Variants in ERG observed in about 807,000 individuals in gnomAD.
The protein encoded by ERG is transcriptional regulator ERG.
Under a neutral mutation model 55.3 loss-of-function variants are expected in ERG, and 9 were observed. The ratio of observed to expected loss-of-function variants is 0.16; its 90% CI spans 0.10 to 0.28. The LOEUF (loss-of-function observed/expected upper bound fraction) is 0.28. Among genes scored for constraint, ERG ranks in the 10% least tolerant of loss-of-function variants. The pLI is 1.00. For missense variants in ERG, 434 were observed against 631.6 expected (o/e 0.69, Z 3.35); for synonymous variants, 223 against 237.3 (o/e 0.94, Z 0.55).
chr21:38,400,291 C>T, intron 6 of ERG: 1 of 538,748 alleles, frequency 1.9e-6, no homozygotes, highest in Non-Finnish European at 3.5e-6. Context: ...AAAAGTCGGC[C>T]TATTCCTAAC....
intron 1 of ERG, among the ~76,000 whole-genome samples, chr21:38,491,110 T>C (rs1601127081): frequency 6.6e-6 from 1 of 151,852 alleles, no homozygotes; most frequent in Admixed American, 6.6e-5. Flanking sequence ...CTACCTCAAA[T>C]TGAGACACAA....
At chr21:38,576,311 T>G (rs931670515) in intron 1 of ERG, among the ~76,000 whole-genome samples, 2 of 152,176 alleles carry the variant, frequency 1.3e-5, no homozygotes, top group Non-Finnish European at 2.9e-5. Flanking sequence ...GTCATTCCCA[T>G]TGTCCAGCTG....
chr21:38,614,355 T>C (rs2146933337), intron 1 of ERG, among the ~76,000 whole-genome samples: 1 of 152,320 alleles, frequency 6.6e-6, no homozygotes, highest in Non-Finnish European at 1.5e-5. Context: ...ACAAATTACA[T>C]TCCCAGGCTT....
At chr21:38,579,224 C>T (rs556567487) in intron 1 of ERG, among the ~76,000 whole-genome samples, 2 of 152,282 alleles carry the variant, frequency 1.3e-5, no homozygotes, top group African/African-American at 4.8e-5. Context: ...TTACAGCAGC[C>T]ACTCGGTCTG....
At chr21:38,457,170 C>G (rs1484135228) in intron 1 of ERG, among the ~76,000 whole-genome samples, 1 of 152,212 alleles carries the variant, frequency 6.6e-6, no homozygotes, top group Non-Finnish European at 1.5e-5. Context: ...GGCGGGGTGG[C>G]TCACACCTGT....
intron 1 of ERG, among the ~76,000 whole-genome samples, chr21:38,621,195 T>C (rs1345821333): frequency 6.6e-6 from 1 of 152,148 alleles, no homozygotes; most frequent in Non-Finnish European, 1.5e-5. Flanking sequence ...CCCCCTTCTG[T>C]GATAAATAAA....
chr21:38,390,209 G>T (rs1402535357), intron 9 of ERG, among the ~76,000 whole-genome samples: 1 of 152,198 alleles, frequency 6.6e-6, no homozygotes, highest in Non-Finnish European at 1.5e-5. Flanking sequence ...GACAAACCTT[G>T]GCAATGCACT....
intron 1 of ERG, among the ~76,000 whole-genome samples, chr21:38,597,500 C>CACACACAT (rs1555871973): frequency 1.3e-5 from 2 of 151,206 alleles, no homozygotes; most frequent in East Asian, 3.9e-4. Flanking sequence ...CACACACACA[C>CACACACAT]GCACACAGAG....
chr21:38,597,612 T>A (rs1470374052), intron 1 of ERG, among the ~76,000 whole-genome samples: 1 of 152,162 alleles, frequency 6.6e-6, no homozygotes, highest in Non-Finnish European at 1.5e-5. Flanking sequence ...GGTTGTAGGA[T>A]GTCCTGGGAA....
At chr21:38,377,662 T>C (rs1987280529), downstream of ERG, among the ~76,000 whole-genome samples, 2 of 152,198 alleles carry the variant, frequency 1.3e-5, no homozygotes, top group Non-Finnish European at 2.9e-5. Context: ...CCAAATTCTT[T>C]CTTGTATATT....
At chr21:38,483,473 A>G (rs556696112) in intron 1 of ERG, among the ~76,000 whole-genome samples, 1 of 152,362 alleles carries the variant, frequency 6.6e-6, no homozygotes, top group East Asian at 1.9e-4. Context: ...TCTTTTGGAA[A>G]AGTATGGATT....
At chr21:38,514,203 T>A (rs551833747) in intron 2 of ERG, among the ~76,000 whole-genome samples, 24 of 151,752 alleles carry the variant, frequency 1.6e-4, no homozygotes, top group African/African-American at 5.5e-4. Context: ...GACGGATTTA[T>A]CAGCAAATTC....
chr21:38,409,626 G>C (rs1287804894), intron 3 of ERG, among the ~76,000 whole-genome samples: 1 of 152,004 alleles, frequency 6.6e-6, no homozygotes, highest in Non-Finnish European at 1.5e-5. Flanking sequence ...TTTGACAGAA[G>C]TAGAGAGAAG....
chr21:38,645,970 C>T (rs761369002), intron 1 of ERG, among the ~76,000 whole-genome samples: 27 of 152,138 alleles, frequency 1.8e-4, no homozygotes, highest in Non-Finnish European at 3.8e-4. Flanking sequence ...GAGTTGGATG[C>T]AACCATTCTC....
chr21:38,498,430 C>T lies in ERG; in HGVS notation c.-50G>A, dbSNP rs772724400. The T allele has an allele frequency of 1.9e-5, 31 of 1,595,342 alleles. No individual in the cohort carries two copies. Among genetic ancestry groups the T allele is most frequent in the Non-Finnish European group, 2.4e-5 (28 of 1,170,516 alleles). ...TAATAAATGTTAATAATAATTATTG[C>T]TTCTCTCTGACCAGAAAGTAGTTTT... On this transcript the variant is annotated 5_prime_UTR_variant, in exon 1 of 10. Transcript: ENST00000288319. This position sits in a 1 kb window ranked among gnomAD's most constrained non-coding sequence, Gnocchi z 4.6.
intron 2 of ERG, among the ~76,000 whole-genome samples, chr21:38,434,424 A>C (rs1315564672): frequency 2.0e-5 from 3 of 151,654 alleles, no homozygotes; most frequent in Non-Finnish European, 4.4e-5. Context: ...TGCTCTATTC[A>C]CCTGTCCATG....
chr21:38,545,123 C>T (rs1423784200), intron 2 of ERG, among the ~76,000 whole-genome samples: 2 of 152,240 alleles, frequency 1.3e-5, no homozygotes, highest in East Asian at 3.9e-4. Context: ...TTTTCATTCA[C>T]TCCTAATTCA....
chr21:38,416,919 G>C (rs1989306266), intron 3 of ERG, among the ~76,000 whole-genome samples: 1 of 152,248 alleles, frequency 6.6e-6, no homozygotes, highest in South Asian at 2.1e-4. Flanking sequence ...AACGGCAGAG[G>C]CTGCAAAGGG....
intron 1 of ERG, among the ~76,000 whole-genome samples, chr21:38,453,840 C>CG (rs143547789): frequency 1.3e-5 from 2 of 148,976 alleles, no homozygotes; most frequent in Non-Finnish European, 3.0e-5. Flanking sequence ...GCTGAGATCG[C>CG]GCCACGGCAC....
Sources: allele counts gnomAD v4.1 joint callset (sites outside exome capture counted in the v4.1 genomes callset), GRCh38; gene constraint gnomAD v4.1.1; non-coding constraint Gnocchi (gnomAD v3.1); transcripts MANE v1.5; gene names NCBI Gene and HGNC (gene_info 2026-07-23, HGNC 2026-07-21).